Variants in SCN10A observed in about 807,000 individuals in gnomAD.
SCN10A encodes sodium channel protein type 10 subunit alpha.
SCN10A carries 162 observed loss-of-function variants against 170.7 expected under a neutral mutation model. The observed-to-expected ratio is 0.95, with a 90% CI of 0.84 to 1.08. The LOEUF is 1.08. Among genes scored for constraint, SCN10A ranks in the 50% least tolerant of loss-of-function variants. The pLI is 0.00. For synonymous variants in SCN10A, 985 were observed against 904.6 expected (o/e 1.09, Z -1.59); for missense variants, 2,527 against 2,436.9 (o/e 1.04, Z -0.78).
intron 14 of SCN10A, among the ~76,000 whole-genome samples, chr3:38,740,615 G>T (rs2063620941): frequency 6.6e-6 from 1 of 152,104 alleles, no homozygotes; most frequent in African/African-American, 2.4e-5. Flanking sequence ...GTCCACCCTG[G>T]ATCCACCCTC....
chr3:38,784,879 A>G (rs1407216826), intron 4 of SCN10A, among the ~76,000 whole-genome samples: 1 of 152,160 alleles, frequency 6.6e-6, no homozygotes. Flanking sequence ...ACTCCCATTC[A>G]CAATTGCAAC....
chr3:38,716,146 T>G (rs961414818), intron 21 of SCN10A, among the ~76,000 whole-genome samples: 1 of 152,110 alleles, frequency 6.6e-6, no homozygotes, highest in Non-Finnish European at 1.5e-5. Context: ...GGGGGAGAAA[T>G]GGGTAACTAT....
At chr3:38,738,948 G>A (rs2063599492) in intron 15 of SCN10A, among the ~76,000 whole-genome samples, 1 of 152,194 alleles carries the variant, frequency 6.6e-6, no homozygotes, top group Admixed American at 6.5e-5. Context: ...TCGGGCACAA[G>A]GGAATCAGAG....
At chr3:38,737,712 A>T (rs945341375) in intron 15 of SCN10A, among the ~76,000 whole-genome samples, 2 of 151,544 alleles carry the variant, frequency 1.3e-5, no homozygotes, top group African/African-American at 4.8e-5. Flanking sequence ...ACAATAATGG[A>T]CAGGCCATAG....
chr3:38,753,508 A>G (rs2063771292), intron 11 of SCN10A, among the ~76,000 whole-genome samples: 1 of 152,184 alleles, frequency 6.6e-6, no homozygotes. Flanking sequence ...ACAGAACTGA[A>G]GTTTCCTCTC....
chr3:38,700,699 G>A (rs2063147364), intron 27 of SCN10A, among the ~76,000 whole-genome samples: 1 of 152,200 alleles, frequency 6.6e-6, no homozygotes, highest in Non-Finnish European at 1.5e-5. Flanking sequence ...ACCCAAGGCT[G>A]TGTTTCAGCA....
chr3:38,800,032 C>T (rs558294710), intron 1 of SCN10A, among the ~76,000 whole-genome samples: 2 of 152,278 alleles, frequency 1.3e-5, no homozygotes, highest in Admixed American at 1.3e-4. Context: ...TTACACTATT[C>T]TCAGAAAGTT....
At chr3:38,813,991 G>A (rs1022388772) in intron 1 of SCN10A, among the ~76,000 whole-genome samples, 1 of 152,188 alleles carries the variant, frequency 6.6e-6, no homozygotes, top group Non-Finnish European at 1.5e-5. Context: ...GGGTATAGAA[G>A]TCAAGGAGAG....
chr3:38,756,923 C>T, intron 9 of SCN10A, 52 bp from the exon 10 acceptor site: 1 of 1,609,034 alleles, frequency 6.2e-7, no homozygotes, highest in East Asian at 2.2e-5. Context: ...ACATGGACCC[C>T]TGAATTTAAG....
At chr3:38,707,453 G>T (rs1483469248) in intron 25 of SCN10A, 70 bp from the exon 26 acceptor site, 2 of 1,488,436 alleles carry the variant, frequency 1.3e-6, no homozygotes, top group Non-Finnish European at 9.3e-7. Context: ...AGAACAGGCA[G>T]GAGAGAAAGG....
intron 5 of SCN10A, among the ~76,000 whole-genome samples, chr3:38,767,637 G>C (rs2063947765): frequency 6.6e-6 from 1 of 152,028 alleles, no homozygotes; most frequent in Non-Finnish European, 1.5e-5. Context: ...TAAATTTATT[G>C]AGATTTGTTA....
intron 7 of SCN10A, 100 bp downstream of exon 7, chr3:38,761,092 A>T: frequency 1.0e-6 from 1 of 983,120 alleles, no homozygotes; most frequent in Non-Finnish European, 1.5e-6. Context: ...GAGTCAAAAT[A>T]TATGTCTATA....
At chr3:38,770,982 T>C (rs916884818) in intron 5 of SCN10A, among the ~76,000 whole-genome samples, 6 of 152,172 alleles carry the variant, frequency 3.9e-5, no homozygotes, top group African/African-American at 1.4e-4. Context: ...GATCTGGATT[T>C]TCAGATTACC....
At chr3:38,740,868 G>T (rs1279030755) in intron 14 of SCN10A, among the ~76,000 whole-genome samples, 1 of 152,346 alleles carries the variant, frequency 6.6e-6, no homozygotes, top group East Asian at 1.9e-4. Flanking sequence ...ACTGTAGAAT[G>T]AGGGTGTGGG....
Position 38,747,687 on chromosome 3 carries a change from C to A in SCN10A, c.1867+2386G>T, listed in dbSNP as rs76853317. On this transcript the variant is annotated intron_variant, in intron 13 of 27. Transcript: ENST00000449082. ...CTGTTGCCTCTCATTCATCCCATGA[C>A]CTTCTTTTGTCTTACCTACACTGGG... Among the ~76,000 whole-genome samples the A allele has an allele frequency of 8.4e-3, 1,278 of 152,288 alleles. 20 individuals carry two copies. The highest frequency in any genetic ancestry group is 0.029 in the African/African-American group (1,198 of 41,558).
intron 25 of SCN10A, 132 bp downstream of exon 25, chr3:38,709,346 G>T: frequency 1.1e-6 from 1 of 899,878 alleles, no homozygotes; most frequent in South Asian, 2.0e-5. Context: ...CAGGGCAAGG[G>T]TTAGCACTGA....
chr3:38,757,229 C>A, intron 8 of SCN10A, 70 bp from the exon 9 acceptor site: 2 of 1,465,658 alleles, frequency 1.4e-6, no homozygotes, highest in South Asian at 1.4e-5. Flanking sequence ...GCGAGACAAC[C>A]ACAGAGTTTT....
At chr3:38,713,090 G>A (rs146901495) in intron 22 of SCN10A, among the ~76,000 whole-genome samples, 5 of 152,322 alleles carry the variant, frequency 3.3e-5, no homozygotes, top group East Asian at 3.9e-4. Context: ...GTAATTATGA[G>A]GAAGAGGTGG....
At chr3:38,786,066 G>A (rs1186073773) in intron 4 of SCN10A, among the ~76,000 whole-genome samples, 2 of 152,128 alleles carry the variant, frequency 1.3e-5, no homozygotes, top group African/African-American at 4.8e-5. Flanking sequence ...GGAAGACAGT[G>A]TGGTGATTCC....
Sources: gnomAD v4.1 joint callset for allele counts (sites outside exome capture counted in the v4.1 genomes callset) on GRCh38, gnomAD v4.1.1 for gene constraint, MANE v1.5 for transcripts, NCBI Gene and HGNC (gene_info 2026-07-23, HGNC 2026-07-21) for gene names.